Variants in DNAJC15 observed in about 807,000 individuals in gnomAD.
DNAJC15 encodes dnaJ homolog subfamily C member 15.
Under a neutral mutation model 22.4 loss-of-function variants are expected in DNAJC15, and 27 were observed. The observed-to-expected ratio is 1.20, with a 90% CI of 0.89 to 1.66. DNAJC15 has a LOEUF of 1.66. Ranked by LOEUF, DNAJC15 falls within the 40% of genes most tolerant of loss-of-function variation. The pLI, the probability that DNAJC15 is intolerant of heterozygous loss-of-function variation, is 0.00. For synonymous variants in DNAJC15, 79 were observed against 63.2 expected, an observed-to-expected ratio of 1.25 and a Z score of -1.19; for missense variants, 208 against 187.1, an observed-to-expected ratio of 1.11 and a Z score of -0.65.
intron 5 of DNAJC15, among the ~76,000 whole-genome samples, chr13:43,095,443 T>C (rs1032790236): frequency 1.3e-5 from 2 of 152,154 alleles, no homozygotes; most frequent in African/African-American, 4.8e-5. Flanking sequence ...GTCAGTAGAT[T>C]GTCCAAGTGG....
intron 1 of DNAJC15, among the ~76,000 whole-genome samples, chr13:43,065,244 T>G (rs1381055130): frequency 6.6e-6 from 1 of 152,230 alleles, no homozygotes; most frequent in Admixed American, 6.5e-5. Context: ...GTTTGGAAGC[T>G]TGACTTCTTT....
chr13:43,050,881 T>A (rs2040499728), intron 1 of DNAJC15, among the ~76,000 whole-genome samples: 1 of 152,224 alleles, frequency 6.6e-6, no homozygotes, highest in African/African-American at 2.4e-5. Context: ...TAAGTAAGAT[T>A]TGATTGCTCA....
At chr13:43,047,419 G>C (rs2040483496) in intron 1 of DNAJC15, among the ~76,000 whole-genome samples, 1 of 152,078 alleles carries the variant, frequency 6.6e-6, no homozygotes, top group Admixed American at 6.5e-5. Flanking sequence ...TGAGCTTGAA[G>C]TTGATTGCTG....
rs997839548 is a variant in DNAJC15 at position 43,048,449 on chromosome 13, G to A, written c.109-17237G>A. On this transcript the variant is annotated intron_variant, in intron 1 of 5. Transcript: ENST00000379221. ...GGAGGTTGTGGTGAGCCGAGATTGCGCCATTGCGCTCTGGCTTGGGCAACA... is the reference window on the plus strand; with the variant it reads ...GGAGGTTGTGGTGAGCCGAGATTGCACCATTGCGCTCTGGCTTGGGCAACA... Among the ~76,000 whole-genome samples the A allele has an allele frequency of 2.6e-4, 40 of 152,354 alleles. 1 individual carries two copies. Among genetic ancestry groups the A allele is most frequent in the Non-Finnish European group, 3.4e-4 (23 of 68,032 alleles).
chr13:43,070,369 C>T (rs1215392042), intron 3 of DNAJC15, among the ~76,000 whole-genome samples: 3 of 151,884 alleles, frequency 2.0e-5, no homozygotes, highest in African/African-American at 4.8e-5. Flanking sequence ...CTACTACATA[C>T]TACATTACCA....
chr13:43,057,565 C>G (rs1328618538), intron 1 of DNAJC15, among the ~76,000 whole-genome samples: 1 of 152,128 alleles, frequency 6.6e-6, no homozygotes, highest in African/African-American at 2.4e-5. Flanking sequence ...CCTTGAGTAA[C>G]ATAATAATCG....
chr13:43,035,705 A>G (rs2040425763), intron 1 of DNAJC15, among the ~76,000 whole-genome samples: 1 of 152,066 alleles, frequency 6.6e-6, no homozygotes, highest in Non-Finnish European at 1.5e-5. Context: ...CAAAGTACCA[A>G]TTTATTTTTT....
chr13:43,051,634 GGTGTGTGT>G (rs57271276), intron 1 of DNAJC15, among the ~76,000 whole-genome samples: 1 of 133,056 alleles, frequency 7.5e-6, no homozygotes, highest in Non-Finnish European at 1.6e-5. Flanking sequence ...AGTACTTCAT[GGTGTGTGT>G]GTGTGTGTGT....
rs367615153 is a variant in DNAJC15 at position 43,108,759 on chromosome 13, C to T, written c.*1511C>T. 50 of 152,214 alleles carry T rather than the reference C, an allele frequency of 3.3e-4. No homozygotes were observed. Among genetic ancestry groups the T allele is most frequent in the African/African-American group, 1.1e-3 (44 of 41,542 alleles). 9.4% of individuals were successfully genotyped at this position (152,214 alleles called of 1,614,324 possible). On this transcript the variant is annotated 3_prime_UTR_variant, in exon 6 of 6. Coordinates refer to ENST00000379221, the MANE Select transcript of DNAJC15 (RefSeq NM_013238.3). ...AATGGTTCCAGATATTGCCAAATGC[C>T]CTTTAGAGGACAGTAATCGCCCCCA... is the stretch of plus-strand genomic sequence containing the variant.
At chr13:43,071,852 T>G (rs557248599) in intron 3 of DNAJC15, among the ~76,000 whole-genome samples, 1 of 152,352 alleles carries the variant, frequency 6.6e-6, no homozygotes, top group Non-Finnish European at 1.5e-5. Flanking sequence ...TTTCATACTT[T>G]TTTTTCATCT....
At chr13:43,027,592 T>C (rs1338786001) in intron 1 of DNAJC15, among the ~76,000 whole-genome samples, 1 of 152,228 alleles carries the variant, frequency 6.6e-6, no homozygotes, top group East Asian at 1.9e-4. Context: ...ATTTAAAACA[T>C]GTTTTAACAA....
At chr13:43,070,752 G>A (rs753301236) in intron 3 of DNAJC15, among the ~76,000 whole-genome samples, 4 of 152,108 alleles carry the variant, frequency 2.6e-5, no homozygotes, top group African/African-American at 9.7e-5. Flanking sequence ...GATCCCTTAG[G>A]GCCTAATAGA....
chr13:43,088,469 T>C (rs73190310), intron 5 of DNAJC15, among the ~76,000 whole-genome samples: 2,771 of 152,314 alleles, frequency 0.018, 54 homozygotes, highest in Non-Finnish European at 0.029. Context: ...TGGACAGCTC[T>C]AACTACTAGA....
rs191708430 is a variant in DNAJC15 at position 43,074,893 on chromosome 13, G to T, written c.235-3719G>T. Among the ~76,000 whole-genome samples the T allele has an allele frequency of 5.3e-5, 8 of 152,216 alleles. No individual in the cohort carries two copies. The East Asian group carries it at 1.5e-3, about 29-fold the overall frequency. On this transcript the variant is annotated intron_variant, in intron 3 of 5. Coordinates refer to ENST00000379221, the MANE Select transcript of DNAJC15 (RefSeq NM_013238.3). Reference sequence around the variant, plus strand: ...TAAACTCAATGAGCCCTCCATGTCTGCAATGAAATGTAGATCAAAAATGTA... The same window carrying T: ...TAAACTCAATGAGCCCTCCATGTCTTCAATGAAATGTAGATCAAAAATGTA...
At chr13:43,091,444 A>G (rs9525737) in intron 5 of DNAJC15, among the ~76,000 whole-genome samples, 34,545 of 152,160 alleles carry the variant, frequency 0.23, 4,493 homozygotes, top group Non-Finnish European at 0.3. Flanking sequence ...TCTCCTTAAT[A>G]TCATTTTTGG....
chr13:43,058,389 G>A (rs2040541513), intron 1 of DNAJC15, among the ~76,000 whole-genome samples: 2 of 152,074 alleles, frequency 1.3e-5, no homozygotes, highest in South Asian at 4.1e-4. Context: ...GGTGTGGGTG[G>A]TGGAAGGCGG....
At chr13:43,029,924 A>G (rs1193490115) in intron 1 of DNAJC15, among the ~76,000 whole-genome samples, 1 of 152,180 alleles carries the variant, frequency 6.6e-6, no homozygotes, top group Non-Finnish European at 1.5e-5. Context: ...AATGAATGAA[A>G]CCAACAGGCT....
At chr13:43,099,197 A>T (rs1252531238) in intron 5 of DNAJC15, among the ~76,000 whole-genome samples, 1 of 152,150 alleles carries the variant, frequency 6.6e-6, no homozygotes, top group East Asian at 1.9e-4. Flanking sequence ...GTTGTTTATT[A>T]TAAATGTATA....
intron 2 of DNAJC15, among the ~76,000 whole-genome samples, chr13:43,066,244 T>C (rs1413685593): frequency 1.4e-5 from 2 of 142,192 alleles, no homozygotes; most frequent in African/African-American, 2.5e-5. Context: ...TTCGAAAGAA[T>C]AGTTCTTTTT....
Sources: allele counts gnomAD v4.1 joint callset (sites outside exome capture counted in the v4.1 genomes callset), GRCh38; gene constraint gnomAD v4.1.1; transcripts MANE v1.5; gene names NCBI Gene and HGNC (gene_info 2026-07-23, HGNC 2026-07-21).